The following PLXNA4 variants were observed in gnomAD, a reference collection of about 807,000 sequenced individuals.
The protein encoded by PLXNA4 is plexin-A4.
A neutral mutation model predicts 191.8 loss-of-function variants in PLXNA4; 44 were observed. The observed-to-expected ratio is 0.23, with a 90% confidence interval of 0.18 to 0.29. The LOEUF (loss-of-function observed/expected upper bound fraction) is 0.29, where lower values mean the gene tolerates loss of function less well. Among genes scored for constraint, PLXNA4 ranks in the 10% least tolerant of loss-of-function variants. The pLI is 1.00. For synonymous variants in PLXNA4, 1,082 were observed against 1,009.5 expected (o/e 1.07, Z -1.36); for missense variants, 1,800 against 2,488.8 (o/e 0.72, Z 5.89).
intron 3 of PLXNA4, among the ~76,000 whole-genome samples, chr7:132,336,426 T>C (rs1213149431): frequency 6.6e-6 from 1 of 152,162 alleles, no homozygotes; most frequent in Non-Finnish European, 1.5e-5. Context: ...GTTCAGAAAT[T>C]ATGGGTACTA....
At chr7:132,328,255 G>A (rs963605706) in intron 3 of PLXNA4, among the ~76,000 whole-genome samples, 3 of 152,008 alleles carry the variant, frequency 2.0e-5, no homozygotes, top group East Asian at 1.9e-4. Flanking sequence ...GCACATCCTC[G>A]TCAGCCTGTC....
At chr7:132,308,653 A>G (rs1462066461) in intron 3 of PLXNA4, among the ~76,000 whole-genome samples, 1 of 152,198 alleles carries the variant, frequency 6.6e-6, no homozygotes, top group Non-Finnish European at 1.5e-5. Context: ...AGCCTCAGAC[A>G]ATCTACTAAA....
chr7:132,471,108 G>C (rs967310478), intron 3 of PLXNA4, among the ~76,000 whole-genome samples: 1 of 152,118 alleles, frequency 6.6e-6, no homozygotes, highest in Non-Finnish European at 1.5e-5. Context: ...GAGTTCTCTC[G>C]AGATTTTGTT....
intron 2 of PLXNA4, among the ~76,000 whole-genome samples, chr7:132,491,320 A>T (rs1797788584): frequency 6.6e-6 from 1 of 152,208 alleles, no homozygotes. Flanking sequence ...GGCTCTTGCC[A>T]GGGAGTGTGT....
At chr7:132,389,293 TG>T (rs1200759711) in intron 3 of PLXNA4, among the ~76,000 whole-genome samples, 1 of 152,254 alleles carries the variant, frequency 6.6e-6, no homozygotes, top group African/African-American at 2.4e-5. Context: ...TTGTCTATTT[TG>T]GCTTTTGTTG....
At chr7:132,448,769 A>T (rs1303360880) in intron 3 of PLXNA4, among the ~76,000 whole-genome samples, 1 of 152,236 alleles carries the variant, frequency 6.6e-6, no homozygotes, top group Non-Finnish European at 1.5e-5. Flanking sequence ...TGAGTCAGAG[A>T]AGGAAGAACC....
Position 132,140,773 on chromosome 7 carries a change from G to A in PLXNA4, c.5264C>T (p.Pro1755Leu), listed in dbSNP as rs759002592. 9 of 1,613,898 alleles carry A rather than the reference G, an allele frequency of 5.6e-6. No homozygotes were observed. The highest frequency in any genetic ancestry group is 2.2e-5 in the East Asian group (1 of 44,886). ...CTTATGGATGTCAAACACAAACTGC[G>A]GGTTCTTGATCATGTTGACCCAAAA... ...LRFWVNMIKN[P>L]QFVFDIHKNS... Residue 1755 changes from proline (P) to leucine (L), a missense_variant, in exon 30 of 32, where the codon CCG (proline) becomes CTG (leucine). Around this residue, in one of 6 missense-constraint regions of PLXNA4, gnomAD observed 101 missense variants for 182.8 expected, o/e 0.55. Coordinates refer to ENST00000321063, the MANE Select transcript of PLXNA4 (RefSeq NM_020911.2).
At chr7:132,187,745 C>T in intron 14 of PLXNA4, 138 bp from the exon 15 acceptor site, 1 of 1,422,716 alleles carries the variant, frequency 7.0e-7, no homozygotes, top group Non-Finnish European at 9.3e-7. Context: ...AGAACCAGGG[C>T]AGTTCTCTTA....
intron 2 of PLXNA4, among the ~76,000 whole-genome samples, chr7:132,583,111 C>T (rs564171963): frequency 1.6e-4 from 25 of 152,310 alleles, no homozygotes; most frequent in Middle Eastern, 3.4e-3. Context: ...TATTGGCCAT[C>T]AGAGACATTC....
At chr7:132,535,712 C>T (rs566750454) in intron 1 of PLXNA4, among the ~76,000 whole-genome samples, 85 of 152,180 alleles carry the variant, frequency 5.6e-4, no homozygotes, top group Middle Eastern at 6.8e-3. Flanking sequence ...TGCATTATAC[C>T]TTGGCCAAGA....
At chr7:132,445,277 A>G (rs1002818563) in intron 3 of PLXNA4, among the ~76,000 whole-genome samples, 11 of 150,466 alleles carry the variant, frequency 7.3e-5, no homozygotes, top group African/African-American at 2.2e-4. Context: ...TCCTCCTTCT[A>G]TGTGATTTCT....
chr7:132,580,874 CA>C (rs909799621), upstream of PLXNA4, among the ~76,000 whole-genome samples: 2 of 152,186 alleles, frequency 1.3e-5, no homozygotes, highest in Non-Finnish European at 2.9e-5. Context: ...AGGCAGTCAG[CA>C]GCTTAAAAAC....
intron 29 of PLXNA4, among the ~76,000 whole-genome samples, chr7:132,143,228 C>T (rs1795320345): frequency 6.6e-6 from 1 of 152,158 alleles, no homozygotes; most frequent in African/African-American, 2.4e-5. Flanking sequence ...GTGTCTTCCT[C>T]AGCATAGCAA....
At chr7:132,259,482 G>GAAAAAAAAAAAAAAAAAAAAAAA (rs1414792493) in intron 4 of PLXNA4, among the ~76,000 whole-genome samples, 1 of 111,362 alleles carries the variant, frequency 9.0e-6, no homozygotes, top group Non-Finnish European at 1.8e-5. Context: ...AAGAAAAAAG[G>GAAAAAAAAAAAAAAAAAAAAAAA]AAAAAAGAAA....
chr7:132,616,496 T>C (rs949852996), intron 2 of PLXNA4, among the ~76,000 whole-genome samples: 1 of 152,324 alleles, frequency 6.6e-6, no homozygotes, highest in African/African-American at 2.4e-5. Flanking sequence ...TCCAGCCCAG[T>C]GGCCTCCAAA....
At chr7:132,627,136 C>G (rs538751283) in intron 2 of PLXNA4, among the ~76,000 whole-genome samples, 7 of 152,238 alleles carry the variant, frequency 4.6e-5, no homozygotes, top group African/African-American at 1.4e-4. Context: ...TTTATGAAAC[C>G]ATATATAACT....
intron 1 of PLXNA4, among the ~76,000 whole-genome samples, chr7:132,549,579 T>C (rs1800464957): frequency 6.6e-6 from 1 of 152,096 alleles, no homozygotes; most frequent in Admixed American, 6.5e-5. Flanking sequence ...ACCTTAAAAG[T>C]GAGTGGACCC....
chr7:132,471,610 A>T (rs1197146686), intron 3 of PLXNA4, among the ~76,000 whole-genome samples: 1 of 152,054 alleles, frequency 6.6e-6, no homozygotes, highest in Admixed American at 6.5e-5. Flanking sequence ...CTCCAGTTTC[A>T]AATGGCCCTG....
chr7:132,604,165 A>T (rs1196313924), intron 2 of PLXNA4, among the ~76,000 whole-genome samples: 1 of 152,108 alleles, frequency 6.6e-6, no homozygotes, highest in African/African-American at 2.4e-5. Flanking sequence ...CACCTAACAC[A>T]AGCCAGGCCA....
Sources: allele counts gnomAD v4.1 joint callset (sites outside exome capture counted in the v4.1 genomes callset), GRCh38; gene constraint gnomAD v4.1.1; regional missense constraint gnomAD v4.1.1; transcripts MANE v1.5; gene names NCBI Gene and HGNC (gene_info 2026-07-23, HGNC 2026-07-21).